Variants in ACAP3 observed in about 807,000 individuals in gnomAD.
ACAP3 encodes ArfGAP with coiled-coil, ankyrin repeat and PH domains 3.
A neutral mutation model predicts 104.1 loss-of-function variants in ACAP3; 56 were observed. That is an observed-to-expected ratio of 0.54 (90% CI 0.43 to 0.67). The LOEUF (loss-of-function observed/expected upper bound fraction) is 0.67. Ranked by LOEUF, ACAP3 falls within the 30% of genes least tolerant of loss-of-function variation. The probability of loss-of-function intolerance (pLI) is 0.00; values close to 1 mark genes in which losing one functional copy is unlikely to be tolerated. For missense variants in ACAP3, 1,208 were observed against 1,174.9 expected, an observed-to-expected ratio of 1.03 and a Z score of -0.41; for synonymous variants, 628 against 496.2, an observed-to-expected ratio of 1.27 and a Z score of -3.53.
chr1:1,294,768 T>A lies in ACAP3; in HGVS notation c.1862A>T (p.Asp621Val). ...GLGGSSDGSS[D>V]VLAFGSGSVV... The stretch of plus-strand genomic sequence containing the variant: ...AGAGCCCGAGCCGAAAGCCAGGACG[T>A]CCGAGCTGCCATCCGAGCTGCCCCC... Residue 621 changes from aspartate to valine, a missense_variant, in exon 20 of 24, where the codon GAC becomes GTC. Coordinates refer to ENST00000354700, the MANE Select transcript of ACAP3 (RefSeq NM_030649.3). The A allele has an allele frequency of 6.5e-7, 1 of 1,549,636 alleles. No homozygotes were observed. The highest frequency in any genetic ancestry group is 8.7e-7 in the Non-Finnish European group (1 of 1,146,560).
In ACAP3 at chr1:1,307,890, C is replaced by T. The variant is rs943626409; in HGVS notation, c.-75G>A. 1.2e-4 allele frequency: 102 copies of T among 880,248 alleles called. No homozygotes were observed. Among genetic ancestry groups the T allele is most frequent in the Non-Finnish European group, 1.3e-4 (95 of 735,152 alleles). The allele number at this position is 880,248 out of a possible 1,614,324, so 54.5% of individuals were successfully genotyped here. On this transcript the variant is annotated 5_prime_UTR_variant, in exon 1 of 24. Coordinates refer to ENST00000354700, the MANE Select transcript of ACAP3 (RefSeq NM_030649.3). ...GGCAGCCGCGCCGGCCCGGACCGCT[C>T]GTCCCGCCCGCGCCGCCTCGGCGCC... is the stretch of plus-strand genomic sequence containing the variant.
rs749892023 is a variant in ACAP3 at position 1,293,839 on chromosome 1, C to T, written c.2344G>A (p.Ala782Thr). Residue 782 changes from alanine (A) to threonine (T), a missense_variant, in exon 23 of 24, where the codon GCT becomes ACT. Ala to Thr is a moderately conservative substitution (Grantham distance 58). Transcript: ENST00000354700. ...PLAIAVQAANADIVTLLRLAR... is the reference protein window; with the variant it reads ...PLAIAVQAANTDIVTLLRLAR... Reference sequence around the variant, plus strand: ...CGCGCTCACAGTGTCACGATGTCAGCGTTGGCCGCCTGCACTGCGATGGCC... The same window carrying T: ...CGCGCTCACAGTGTCACGATGTCAGTGTTGGCCGCCTGCACTGCGATGGCC... The T allele has an allele frequency of 1.3e-6, 2 of 1,570,568 alleles. No individual in the cohort carries two copies. Among genetic ancestry groups the T allele is most frequent in the Non-Finnish European group, 1.7e-6 (2 of 1,162,596 alleles).
Position 1,304,022 on chromosome 1 carries a change from G to A in ACAP3, c.105+64C>T, listed in dbSNP as rs1043641494. The A allele has an allele frequency of 2.2e-5, 34 of 1,542,596 alleles. No homozygotes were observed. The South Asian group carries it at 3.3e-4, about 15-fold the overall frequency. ...AGTGGCTTAGTAAGGCCTGGAGGGCGAGTCTGGCCATGTGGCCATCCCAAG... is the reference window on the plus strand; with the variant it reads ...AGTGGCTTAGTAAGGCCTGGAGGGCAAGTCTGGCCATGTGGCCATCCCAAG... On this transcript the variant is annotated intron_variant, in intron 2 of 23. Coordinates refer to ENST00000354700, the MANE Select transcript of ACAP3 (RefSeq NM_030649.3).
At chr1:1,294,906 CCA>C (rs1641049392) in intron 19 of ACAP3, 90 bp from the exon 20 acceptor site, 6 of 1,310,960 alleles carry the variant, frequency 4.6e-6, no homozygotes, top group Non-Finnish European at 6.4e-6. Context: ...CACCCACCCT[CCA>C]GGGGCCACCC....
rs530148552 is a variant in ACAP3 at position 1,302,806 on chromosome 1, C to G, written c.279+116G>C. 4.0e-4 allele frequency: 133 copies of G among 332,032 alleles called. 1 individual carries two copies. The highest frequency in any genetic ancestry group is 6.2e-4 in the Non-Finnish European group (107 of 172,788). The allele number at this position is 332,032 out of a possible 1,614,324, so 20.6% of individuals were successfully genotyped here. ...TGAAAATGTGGGATTCCCCCCCCCC[C>G]CGACTAGAGGAGCAGAAACGTGCCC... On this transcript the variant is annotated intron_variant, in intron 4 of 23. Coordinates refer to ENST00000354700, the MANE Select transcript of ACAP3 (RefSeq NM_030649.3).
rs150794191 is a variant in ACAP3, at chr1:1,298,779, G to A, written c.751-100C>T. 4.7e-4 allele frequency: 404 copies of A among 860,508 alleles called. 2 individuals carry two copies. The African/African-American group carries it at 6.1e-3, about 13-fold the overall frequency. 53.3% of individuals were successfully genotyped at this position (860,508 alleles called of 1,614,324 possible). On this transcript the variant is annotated intron_variant, in intron 10 of 23. Transcript: ENST00000354700. ...GGTGGGGGTGAGGTCCTTGTCTGAG[G>A]CTGCCACACGGCCCACGGACCACAC... is the stretch of plus-strand genomic sequence containing the variant.
chr1:1,298,074 A>C lies in ACAP3; in HGVS notation c.955T>G (p.Ser319Ala). 3 of 1,610,604 alleles carry C rather than the reference A, an allele frequency of 1.9e-6. No individual in the cohort carries two copies. Among genetic ancestry groups the C allele is most frequent in the Non-Finnish European group, 2.5e-6 (3 of 1,179,030 alleles). ...TVVVDDLRLC[S>A]VKPCEDIERR... ...TCGATGTCCTCACACGGCTTCACAG[A>C]GCACAGGCGGAGGTCATCCACCACC... The change falls in exon 13 of 24, where the codon TCT becomes GCT. Residue 319 changes from serine to alanine, a missense_variant. Transcript: ENST00000354700.
chr1:1,293,523 G>A lies in ACAP3; in HGVS notation c.*41C>T. On this transcript the variant is annotated 3_prime_UTR_variant, in exon 24 of 24. Transcript: ENST00000354700. ...CCAGGGACTTCGGGGCATGCGGGGC[G>A]TCGGGCCGGGCGGGGTGGCAGCTGC... 2.1e-6 allele frequency: 3 copies of A among 1,403,958 alleles called. No individual in the cohort carries two copies. Among genetic ancestry groups the A allele is most frequent in the South Asian group, 2.8e-5 (2 of 70,640 alleles). 87.0% of individuals were successfully genotyped at this position (1,403,958 alleles called of 1,614,324 possible). A position where few individuals can be genotyped will look rare whatever the true frequency, so the allele number is the denominator to read the frequency against.
At position 1,298,605 on chromosome 1, in the gene ACAP3, G is replaced by A; in HGVS notation, c.825C>T (p.Leu275=). The A allele has an allele frequency of 3.7e-6, 6 of 1,609,860 alleles. No individual in the cohort carries two copies. The highest frequency in any genetic ancestry group is 1.3e-5 in the African/African-American group (1 of 74,264). ...APSGVVMEGY[L]FKRASNAFKT... ...TGAAAGCGTTGCTGGCCCTCTTGAA[G>A]AGGTAGCCCTCCATCACCACCCCAC... Residue 275 remains leucine, a synonymous_variant, in exon 11 of 24, where the codon CTC becomes CTT. Transcript: ENST00000354700.
chr1:1,296,532 C>G lies in ACAP3; in HGVS notation c.1230G>C (p.Gln410His). Reference protein sequence around the residue: ...VKGESVLQRVQSVAGNSQCGD... With the variant: ...VKGESVLQRVHSVAGNSQCGD... ...CGCACTGGCTGTTGCCGGCCACACTCTGCACACGCTGCAGCACACTCTCGC... is the reference window on the plus strand; with the variant it reads ...CGCACTGGCTGTTGCCGGCCACACTGTGCACACGCTGCAGCACACTCTCGC... The change falls in exon 15 of 24, where the codon CAG (glutamine) becomes CAC (histidine). Residue 410 changes from glutamine (Q) to histidine (H), a missense_variant. Transcript: ENST00000354700. 1 of 1,539,896 alleles carries G rather than the reference C, an allele frequency of 6.5e-7. No individual in the cohort carries two copies. The highest frequency in any genetic ancestry group is 8.7e-7 in the Non-Finnish European group (1 of 1,146,680).
intron 1 of ACAP3, chr1:1,307,188 G>A (rs961824276): frequency 7.0e-6 from 9 of 1,285,490 alleles, no homozygotes; most frequent in South Asian, 1.2e-5. Flanking sequence ...AGGTGTACAC[G>A]CCTGCACGCC....
In ACAP3 at chr1:1,294,542, G is replaced by A; in HGVS notation, c.1999C>T (p.His667Tyr). Residue 667 changes from histidine (H) to tyrosine (Y), a missense_variant, in exon 21 of 24, where the codon CAC becomes TAC. Physicochemically the swap from His to Tyr is moderately conservative, Grantham distance 83. Transcript: ENST00000354700. ...GCGCGGTGCGCCAAGAGCCCCGGGT[G>A]CAGCTCGCGCACGTCCGCCAGGCCC... is the stretch of plus-strand genomic sequence containing the variant. ...AWGLADVRELHPGLLAHRAAR... is the reference protein window; with the variant it reads ...AWGLADVRELYPGLLAHRAAR... 6.7e-7 allele frequency: 1 copy of A among 1,494,984 alleles called. No individual in the cohort carries two copies. Among genetic ancestry groups the A allele is most frequent in the Admixed American group, 2.5e-5 (1 of 40,404 alleles). 92.6% of individuals were successfully genotyped at this position (1,494,984 alleles called of 1,614,324 possible).
chr1:1,293,316 T>C lies in ACAP3; in HGVS notation c.*248A>G, dbSNP rs1570621832. The stretch of plus-strand genomic sequence containing the variant: ...AAAAGGGGTGACCTGAAGACAGAGG[T>C]TCCCCAGGTGGGGTGAGGGACACCC... On this transcript the variant is annotated 3_prime_UTR_variant, in exon 24 of 24. Transcript: ENST00000354700. 1 of 300,768 alleles carries C rather than the reference T, an allele frequency of 3.3e-6. No homozygotes were observed. The highest frequency in any genetic ancestry group is 2.3e-5 in the African/African-American group (1 of 44,192). The allele number at this position is 300,768 out of a possible 1,614,324, so 18.6% of individuals were successfully genotyped here.
Position 1,307,492 on chromosome 1 carries a change from T to G in ACAP3, c.47+277A>C, listed in dbSNP as rs946770790. On this transcript the variant is annotated intron_variant, in intron 1 of 23. Coordinates refer to ENST00000354700, the MANE Select transcript of ACAP3 (RefSeq NM_030649.3). ...CGGGAGGGGCTCAGCCCAGTGGAGG[T>G]GCAGACACAGAGCGGGGGCGGACGG... The G allele has an allele frequency of 3.4e-5, 43 of 1,249,834 alleles. 1 individual carries two copies. In the South Asian group the frequency reaches 5.4e-4, roughly 16 times the overall value. The allele number at this position is 1,249,834 out of a possible 1,614,324, so 77.4% of individuals were successfully genotyped here.
Position 1,300,593 on chromosome 1 carries a change from C to T in ACAP3, c.438G>A (p.Arg146=). Residue 146 remains arginine, a synonymous_variant, in exon 6 of 24, where the codon CGG becomes CGA. Transcript: ENST00000354700. ...CGGTGGCTTCCTCCACCTCGTGGGG[C>T]CGGTGCCTCGGGGCCTGGGCGTTCC... The part of the protein sequence containing the change: ...LVRNAQAPRH[R]PHEVEEATGA... The T allele has an allele frequency of 6.2e-7, 1 of 1,610,470 alleles. No individual in the cohort carries two copies. The highest frequency in any genetic ancestry group is 1.1e-5 in the South Asian group (1 of 90,728).
rs945956811 is a variant in ACAP3, at chr1:1,307,473, G to A, written c.47+296C>T. The A allele has an allele frequency of 2.8e-5, 36 of 1,289,694 alleles. 1 individual carries two copies. The African/African-American group carries it at 3.3e-4, about 12-fold the overall frequency. The allele number at this position is 1,289,694 out of a possible 1,614,324, so 79.9% of individuals were successfully genotyped here. ...AGAGCTGGACTGCAGGGCCCGGGAGGGGCTCAGCCCAGTGGAGGTGCAGAC... is the reference window on the plus strand; with the variant it reads ...AGAGCTGGACTGCAGGGCCCGGGAGAGGCTCAGCCCAGTGGAGGTGCAGAC... On this transcript the variant is annotated intron_variant, in intron 1 of 23. Coordinates refer to ENST00000354700, the MANE Select transcript of ACAP3 (RefSeq NM_030649.3).
intron 7 of ACAP3, 29 bp from the exon 8 acceptor site, chr1:1,300,097 G>A: frequency 6.2e-7 from 1 of 1,609,310 alleles, no homozygotes; most frequent in South Asian, 1.1e-5. Context: ...TGAGGCCCAA[G>A]CACACCCGGT....
chr1:1,306,227 A>G (rs1411554312), intron 1 of ACAP3, among the ~76,000 whole-genome samples: 1 of 152,090 alleles, frequency 6.6e-6, no homozygotes, highest in Non-Finnish European at 1.5e-5. Context: ...CGGTTACCAG[A>G]GAGAAGGCCC....
At chr1:1,307,464 G>A (rs1641786528) in intron 1 of ACAP3, 4 of 1,291,348 alleles carry the variant, frequency 3.1e-6, no homozygotes, top group Middle Eastern at 2.4e-4. Context: ...GGACTGCAGG[G>A]CCCGGGAGGG....
Sources: allele counts gnomAD v4.1 joint callset (sites outside exome capture counted in the v4.1 genomes callset), GRCh38; gene constraint gnomAD v4.1.1; transcripts MANE v1.5; gene names NCBI Gene and HGNC (gene_info 2026-07-23, HGNC 2026-07-21).